Variants in PDLIM5 observed in about 807,000 individuals in gnomAD.
PDLIM5 encodes the protein PDZ and LIM domain protein 5.
Under a neutral mutation model 64.2 loss-of-function variants are expected in PDLIM5, and 34 were observed. The ratio of observed to expected loss-of-function variants is 0.53; its 90% CI spans 0.40 to 0.71. PDLIM5 has a LOEUF of 0.71. Ranked by LOEUF, PDLIM5 falls within the 30% of genes least tolerant of loss-of-function variation. The probability of loss-of-function intolerance (pLI) is 0.00; values close to 1 mark genes in which losing one functional copy is unlikely to be tolerated. For missense variants in PDLIM5, 683 were observed against 733.6 expected (o/e 0.93, Z 0.80); for synonymous variants, 253 against 269.1 (o/e 0.94, Z 0.59).
At chr4:94,566,324 C>T (rs974477464) in intron 3 of PDLIM5, among the ~76,000 whole-genome samples, 2 of 152,150 alleles carry the variant, frequency 1.3e-5, no homozygotes, top group African/African-American at 4.8e-5. Flanking sequence ...AAATTATTGG[C>T]ATTTGGTAGG....
chr4:94,598,147 C>T (rs1330717564), intron 7 of PDLIM5, among the ~76,000 whole-genome samples: 2 of 152,052 alleles, frequency 1.3e-5, no homozygotes, highest in African/African-American at 4.8e-5. Context: ...CAACTTGCTG[C>T]CCATATTTGT....
intron 2 of PDLIM5, among the ~76,000 whole-genome samples, chr4:94,482,090 TA>T (rs1578228811): frequency 1.3e-5 from 2 of 151,956 alleles, no homozygotes; most frequent in East Asian, 3.9e-4. Flanking sequence ...ATCTGTGAAG[TA>T]GCCACTTCAC....
chr4:94,591,609 G>A (rs549409633), intron 7 of PDLIM5, among the ~76,000 whole-genome samples: 48 of 152,304 alleles, frequency 3.2e-4, no homozygotes, highest in African/African-American at 1.2e-3. Context: ...ATTGATAAGT[G>A]GGAAGAGAGG....
intron 4 of PDLIM5, 64 bp downstream of exon 4, chr4:94,573,457 C>T (rs1560712529): frequency 2.5e-6 from 3 of 1,180,036 alleles, no homozygotes; most frequent in East Asian, 2.3e-5. Context: ...CTGTAATTCC[C>T]ATTACTGTCT....
At chr4:94,458,176 C>T (rs1044161879) in intron 2 of PDLIM5, among the ~76,000 whole-genome samples, 2 of 152,022 alleles carry the variant, frequency 1.3e-5, no homozygotes, top group Admixed American at 1.3e-4. Flanking sequence ...TTAACTTACT[C>T]TCATCTTAAT....
intron 9 of PDLIM5, among the ~76,000 whole-genome samples, chr4:94,647,853 G>A (rs1741540615): frequency 6.6e-6 from 1 of 152,042 alleles, no homozygotes; most frequent in Admixed American, 6.6e-5. Flanking sequence ...ATCAATAACA[G>A]AAGAAAATTT....
intron 8 of PDLIM5, among the ~76,000 whole-genome samples, chr4:94,627,676 AAG>A (rs764719536): frequency 1.7e-4 from 26 of 152,232 alleles, no homozygotes; most frequent in Non-Finnish European, 3.5e-4. Flanking sequence ...TGAATATTGC[AAG>A]AGTCTGTAAG....
intron 2 of PDLIM5, among the ~76,000 whole-genome samples, chr4:94,481,132 T>G (rs890779106): frequency 2.0e-5 from 3 of 152,198 alleles, no homozygotes; most frequent in African/African-American, 7.2e-5. Flanking sequence ...TTAAATATCT[T>G]AAAAGATTAG....
rs73834209 is a variant in PDLIM5, at chr4:94,614,704, G to A, written c.921-3300G>A. Among the ~76,000 whole-genome samples the A allele has an allele frequency of 5.4e-3, 827 of 152,252 alleles. 7 individuals are homozygous for A. Among genetic ancestry groups the A allele is most frequent in the African/African-American group, 0.019 (787 of 41,562 alleles). ...CTACTCCAAGCCCTTTGTAGCTAAA[G>A]AGTACTGTTTAAGATTTAAACATCT... On this transcript the variant is annotated intron_variant, in intron 7 of 12. Coordinates refer to ENST00000317968, the MANE Select transcript of PDLIM5 (RefSeq NM_006457.5).
Position 94,559,455 on chromosome 4 carries a change from G to T in PDLIM5, c.249-13896G>T, listed in dbSNP as rs539962588. On this transcript the variant is annotated intron_variant, in intron 3 of 12. Transcript: ENST00000317968. Reference sequence around the variant, plus strand: ...AGGCAGAGATTCAACAAGAAGAGCAGTGAATCATGCTACATCTTGTTTTCA... The same window carrying T: ...AGGCAGAGATTCAACAAGAAGAGCATTGAATCATGCTACATCTTGTTTTCA... Among the ~76,000 whole-genome samples, 9 of 152,314 alleles carry T rather than the reference G, an allele frequency of 5.9e-5. No individual in the cohort carries two copies. In the South Asian group the frequency reaches 1.9e-3, roughly 32 times the overall value.
At chr4:94,617,644 CAAAAAAAA>C (rs61055444) in intron 7 of PDLIM5, among the ~76,000 whole-genome samples, 1 of 66,602 alleles carries the variant, frequency 1.5e-5, no homozygotes, top group Non-Finnish European at 3.1e-5. Context: ...CCTGTGTCTA[CAAAAAAAA>C]AAAAAAAAAA....
At chr4:94,594,207 T>G (rs553136256) in intron 7 of PDLIM5, among the ~76,000 whole-genome samples, 2 of 152,316 alleles carry the variant, frequency 1.3e-5, no homozygotes, top group East Asian at 3.9e-4. Flanking sequence ...AAGTTGACAC[T>G]TTTTTCTTGA....
rs1743094074 is a variant in PDLIM5, at chr4:94,666,635, C to A, written c.*2568C>A. On this transcript the variant is annotated 3_prime_UTR_variant, in exon 13 of 13. Coordinates refer to ENST00000317968, the MANE Select transcript of PDLIM5 (RefSeq NM_006457.5). ...TATGCCAAGATAGTATTTGATAAGT[C>A]AATGACATTTGGATGTTTTCTTCAA... 6.6e-6 allele frequency: 1 copy of A among 152,512 alleles called. No homozygotes were observed. Among genetic ancestry groups the A allele is most frequent in the African/African-American group, 2.4e-5 (1 of 41,434 alleles). The allele number at this position is 152,512 out of a possible 1,614,324, so 9.4% of individuals were successfully genotyped here. A position where few individuals can be genotyped will look rare whatever the true frequency, so the allele number is the denominator to read the frequency against.
At chr4:94,577,153 A>G in intron 5 of PDLIM5, 2 of 453,832 alleles carry the variant, frequency 4.4e-6, no homozygotes, top group South Asian at 1.6e-5. Context: ...ACAAAAATGT[A>G]CCTTAAAAGG....
chr4:94,642,337 G>C (rs944075327), intron 9 of PDLIM5, among the ~76,000 whole-genome samples: 1 of 151,930 alleles, frequency 6.6e-6, no homozygotes, highest in Non-Finnish European at 1.5e-5. Context: ...CACCACTTCC[G>C]GCACTTCTAA....
chr4:94,542,164 T>C (rs888123419), intron 3 of PDLIM5, among the ~76,000 whole-genome samples: 1 of 151,868 alleles, frequency 6.6e-6, no homozygotes, highest in African/African-American at 2.4e-5. Context: ...ATACAAAAAT[T>C]AGCCAGGTGT....
intron 8 of PDLIM5, among the ~76,000 whole-genome samples, chr4:94,620,071 C>T (rs956184945): frequency 6.6e-6 from 1 of 152,168 alleles, no homozygotes; most frequent in East Asian, 1.9e-4. Context: ...CTGCTTCACC[C>T]AATTTATAAT....
intron 7 of PDLIM5, among the ~76,000 whole-genome samples, chr4:94,612,143 G>A (rs1180367721): frequency 2.6e-5 from 4 of 152,092 alleles, no homozygotes; most frequent in East Asian, 3.9e-4. Flanking sequence ...ACTTGAACCC[G>A]GGAGGCAGAA....
intron 9 of PDLIM5, among the ~76,000 whole-genome samples, chr4:94,647,109 T>C (rs775253967): frequency 6.6e-6 from 1 of 152,114 alleles, no homozygotes; most frequent in Non-Finnish European, 1.5e-5. Context: ...GCATACAACA[T>C]AGAGAAAATA....
Sources: allele counts gnomAD v4.1 joint callset (sites outside exome capture counted in the v4.1 genomes callset), GRCh38; gene constraint gnomAD v4.1.1; transcripts MANE v1.5; gene names NCBI Gene and HGNC (gene_info 2026-07-23, HGNC 2026-07-21).